The following GDPD4 variants were observed in gnomAD, a reference collection of about 807,000 sequenced individuals.
GDPD4 encodes glycerophosphodiester phosphodiesterase 6.
Under a neutral mutation model 67.8 loss-of-function variants are expected in GDPD4, and 60 were observed. The observed-to-expected ratio is 0.88, with a 90% CI of 0.72 to 1.10. The LOEUF (loss-of-function observed/expected upper bound fraction) is 1.10, where lower values mean the gene tolerates loss of function less well. GDPD4 is among the 50% of genes least tolerant of loss of function. GDPD4 has a pLI of 0.00. For missense variants in GDPD4, 623 were observed against 613.9 expected (o/e 1.01, Z -0.16); for synonymous variants, 212 against 210.9 (o/e 1.00, Z -0.04).
intron 10 of GDPD4, among the ~76,000 whole-genome samples, chr11:77,264,510 TC>T (rs1029942822): frequency 1.4e-4 from 22 of 151,796 alleles, no homozygotes; most frequent in Admixed American, 7.2e-4. Context: ...AGGAAGAAAA[TC>T]AGGAGAGTAT....
At chr11:77,220,370 A>G (rs1846328926) in intron 16 of GDPD4, among the ~76,000 whole-genome samples, 1 of 152,208 alleles carries the variant, frequency 6.6e-6, no homozygotes, top group African/African-American at 2.4e-5. Context: ...TTATTTTGAG[A>G]TATGTCCCAT....
intron 13 of GDPD4, among the ~76,000 whole-genome samples, chr11:77,238,592 A>C (rs1180292341): frequency 1.3e-5 from 2 of 152,136 alleles, no homozygotes; most frequent in Non-Finnish European, 2.9e-5. Flanking sequence ...CTCAAAAAAA[A>C]AAAAAAAAAA....
At chr11:77,222,565 C>G (rs1455021605) in intron 16 of GDPD4, among the ~76,000 whole-genome samples, 1 of 152,198 alleles carries the variant, frequency 6.6e-6, no homozygotes, top group Non-Finnish European at 1.5e-5. Flanking sequence ...GGCCCCCACT[C>G]TCTTCTGGCT....
At chr11:77,283,509 TTATAAA>T (rs1353434217) in intron 3 of GDPD4, among the ~76,000 whole-genome samples, 1 of 152,046 alleles carries the variant, frequency 6.6e-6, no homozygotes, top group Non-Finnish European at 1.5e-5. Flanking sequence ...ATTTTAAAAT[TTATAAA>T]TATAAATAAA....
chr11:77,232,993 G>A (rs758043218), intron 14 of GDPD4, 32 bp downstream of exon 14: 12 of 1,611,646 alleles, frequency 7.4e-6, no homozygotes, highest in Admixed American at 1.7e-5. Context: ...ATCATACCAA[G>A]CCTGGAAGAA....
chr11:77,239,489 T>C (rs371558099), intron 13 of GDPD4, among the ~76,000 whole-genome samples: 1 of 152,348 alleles, frequency 6.6e-6, no homozygotes, highest in South Asian at 2.1e-4. Flanking sequence ...GGTTGCAAAG[T>C]TGCAGGATAC....
At position 77,217,269 on chromosome 11, in the gene GDPD4, C is replaced by G. The variant is rs776269431; in HGVS notation, c.*8G>C. On this transcript the variant is annotated 3_prime_UTR_variant, in exon 17 of 17. Transcript: ENST00000315938. Reference sequence around the variant, plus strand: ...GGAGGTTTCATGGCTATGTGCAAATCTATCTATCTATCTATCTTCCTCATT... The same window carrying G: ...GGAGGTTTCATGGCTATGTGCAAATGTATCTATCTATCTATCTTCCTCATT... The G allele has an allele frequency of 7.1e-6, 11 of 1,556,014 alleles. No homozygotes were observed. The highest frequency in any genetic ancestry group is 1.7e-5 in the Admixed American group (1 of 59,888).
intron 14 of GDPD4, among the ~76,000 whole-genome samples, chr11:77,230,218 A>T (rs992280574): frequency 6.6e-6 from 1 of 152,128 alleles, no homozygotes; most frequent in Non-Finnish European, 1.5e-5. Flanking sequence ...TAGTTGGCTG[A>T]TTGCTCCAAG....
intron 14 of GDPD4, 101 bp downstream of exon 14, chr11:77,232,924 A>T: frequency 9.8e-7 from 1 of 1,017,920 alleles, no homozygotes; most frequent in Non-Finnish European, 1.5e-6. Context: ...CTGTACTCTT[A>T]AGTGGCTGCC....
chr11:77,240,151 T>C (rs1245331070), intron 13 of GDPD4, among the ~76,000 whole-genome samples: 1 of 152,112 alleles, frequency 6.6e-6, no homozygotes, highest in Non-Finnish European at 1.5e-5. Context: ...TCCTTAAATT[T>C]GTATGACCAC....
At chr11:77,301,155 CAT>C (rs1471510637) in intron 1 of GDPD4, among the ~76,000 whole-genome samples, 2 of 152,168 alleles carry the variant, frequency 1.3e-5, no homozygotes, top group African/African-American at 4.8e-5. Flanking sequence ...ATTCTACACT[CAT>C]ATATCCGACA....
At chr11:77,256,692 C>T (rs559443431) in intron 11 of GDPD4, among the ~76,000 whole-genome samples, 22 of 152,216 alleles carry the variant, frequency 1.4e-4, no homozygotes, top group African/African-American at 5.3e-4. Context: ...TGAGTGAATT[C>T]TCATTCTATT....
chr11:77,296,585 T>C (rs1336036942), intron 1 of GDPD4, among the ~76,000 whole-genome samples: 1 of 151,420 alleles, frequency 6.6e-6, no homozygotes, highest in Non-Finnish European at 1.5e-5. Flanking sequence ...CCTCCCAAAG[T>C]GCTGGGATTA....
intron 5 of GDPD4, among the ~76,000 whole-genome samples, chr11:77,275,206 A>G (rs1455344236): frequency 6.6e-6 from 1 of 152,196 alleles, no homozygotes; most frequent in Non-Finnish European, 1.5e-5. Flanking sequence ...CTATGTATCA[A>G]TTTTTAAAAA....
At chr11:77,236,175 AC>A (rs1333811623) in intron 13 of GDPD4, among the ~76,000 whole-genome samples, 1 of 152,130 alleles carries the variant, frequency 6.6e-6, no homozygotes, top group Non-Finnish European at 1.5e-5. Context: ...ACTATTGTTA[AC>A]CTTTTTTCCT....
At chr11:77,231,728 A>G (rs1037111539) in intron 14 of GDPD4, among the ~76,000 whole-genome samples, 2 of 152,194 alleles carry the variant, frequency 1.3e-5, no homozygotes, top group African/African-American at 4.8e-5. Context: ...AGGATTATGG[A>G]GGGGTGTGCT....
chr11:77,233,197 G>A, intron 13 of GDPD4, 25 bp from the exon 14 acceptor site: 1 of 1,607,210 alleles, frequency 6.2e-7, no homozygotes, highest in Non-Finnish European at 8.5e-7. Flanking sequence ...GAACCCACAG[G>A]GGATTTAGAT....
chr11:77,268,674 A>G, intron 9 of GDPD4, 135 bp from the exon 10 acceptor site: 2 of 774,316 alleles, frequency 2.6e-6, no homozygotes. Context: ...CAAAACCTGT[A>G]TACCCTCCGT....
chr11:77,229,784 G>C (rs1016987484), intron 14 of GDPD4, among the ~76,000 whole-genome samples: 1 of 152,178 alleles, frequency 6.6e-6, no homozygotes, highest in African/African-American at 2.4e-5. Context: ...CTTTAATTAA[G>C]AATGCTGAAG....
Sources: allele counts gnomAD v4.1 joint callset (sites outside exome capture counted in the v4.1 genomes callset), GRCh38; gene constraint gnomAD v4.1.1; transcripts MANE v1.5; gene names NCBI Gene and HGNC (gene_info 2026-07-23, HGNC 2026-07-21).